The following SGO2 variants were observed in gnomAD, a reference collection of about 807,000 sequenced individuals.
SGO2 encodes the protein shugoshin 2.
Under a neutral mutation model 99.5 loss-of-function variants are expected in SGO2, and 68 were observed. The ratio of observed to expected loss-of-function variants is 0.68; its 90% CI spans 0.56 to 0.84. The LOEUF is 0.84. Among genes scored for constraint, SGO2 ranks in the 40% least tolerant of loss-of-function variants. SGO2 has a pLI of 0.00. For missense variants in SGO2, 1,350 were observed against 1,436.7 expected, an observed-to-expected ratio of 0.94 and a Z score of 0.97; for synonymous variants, 457 against 487.1, an observed-to-expected ratio of 0.94 and a Z score of 0.81.
chr2:200,555,940 C>G (rs1423021049), intron 5 of SGO2, among the ~76,000 whole-genome samples: 1 of 152,094 alleles, frequency 6.6e-6, no homozygotes, highest in Non-Finnish European at 1.5e-5. Flanking sequence ...GAGTCTCAGG[C>G]TGTTAGAGCT....
chr2:200,535,840 G>C (rs2031664720), intron 3 of SGO2, among the ~76,000 whole-genome samples: 1 of 151,922 alleles, frequency 6.6e-6, no homozygotes, highest in Admixed American at 6.6e-5. Flanking sequence ...GTGTGTGTGT[G>C]TATACATGTA....
intron 7 of SGO2, 59 bp from the exon 8 acceptor site, chr2:200,575,252 T>C (rs1175963373): frequency 9.3e-7 from 1 of 1,077,360 alleles, no homozygotes; most frequent in African/African-American, 1.6e-5. Context: ...ATAGCTCATA[T>C]CTATTTGTAT....
intron 5 of SGO2, among the ~76,000 whole-genome samples, chr2:200,548,288 G>T (rs905826798): frequency 1.3e-5 from 2 of 152,006 alleles, no homozygotes; most frequent in Admixed American, 1.3e-4. Context: ...CTTCACAATG[G>T]AAGAAAACTG....
intron 8 of SGO2, among the ~76,000 whole-genome samples, chr2:200,579,017 C>G (rs548265342): frequency 2.4e-4 from 37 of 152,196 alleles, no homozygotes; most frequent in Non-Finnish European, 5.0e-4. Flanking sequence ...CCTCCATCCA[C>G]TAGATGTCAG....
intron 4 of SGO2, among the ~76,000 whole-genome samples, chr2:200,540,434 G>A (rs13000072): frequency 0.22 from 33,320 of 152,132 alleles, 3,866 homozygotes; most frequent in Middle Eastern, 0.3. Context: ...AGCCTCTGTT[G>A]ACAACACTGT....
At chr2:200,532,187 G>A (rs1419224705) in intron 1 of SGO2, among the ~76,000 whole-genome samples, 2 of 151,716 alleles carry the variant, frequency 1.3e-5, no homozygotes, top group Non-Finnish European at 2.9e-5. Context: ...TTGACATAGT[G>A]AGCTGAGTCC....
At chr2:200,560,520 A>G (rs1312754145) in intron 5 of SGO2, among the ~76,000 whole-genome samples, 3 of 151,798 alleles carry the variant, frequency 2.0e-5, no homozygotes, top group African/African-American at 7.3e-5. Context: ...ATTTTTTTGC[A>G]TTTCTAGAGA....
intron 8 of SGO2, among the ~76,000 whole-genome samples, chr2:200,580,228 C>A (rs893596549): frequency 2.0e-5 from 3 of 152,084 alleles, no homozygotes; most frequent in Non-Finnish European, 4.4e-5. Context: ...TGCAAAGTAT[C>A]TTTTATGAAT....
Position 200,583,562 on chromosome 2 carries a change from T to G in SGO2, c.*98T>G, listed in dbSNP as rs2033905606. 3 of 1,135,134 alleles carry G rather than the reference T, an allele frequency of 2.6e-6. No individual in the cohort carries two copies. The highest frequency in any genetic ancestry group is 3.2e-5 in the African/African-American group (2 of 62,980). The allele number at this position is 1,135,134 out of a possible 1,614,324, so 70.3% of individuals were successfully genotyped here. ...AAGATGAAATGCTTAATGAAAAGGT[T>G]TTTTTTTTGTTTCTTTGGCCTTTCA... is the stretch of plus-strand genomic sequence containing the variant. On this transcript the variant is annotated 3_prime_UTR_variant, in exon 9 of 9. Coordinates refer to ENST00000357799, the MANE Select transcript of SGO2 (RefSeq NM_152524.6).
intron 7 of SGO2, among the ~76,000 whole-genome samples, chr2:200,574,461 T>A (rs545891496): frequency 6.6e-6 from 1 of 152,176 alleles, no homozygotes; most frequent in African/African-American, 2.4e-5. Context: ...TTTCCTCAGA[T>A]TCCATGTATG....
At chr2:200,566,419 C>T (rs544858736) in intron 5 of SGO2, among the ~76,000 whole-genome samples, 15 of 152,256 alleles carry the variant, frequency 9.9e-5, no homozygotes, top group African/African-American at 3.4e-4. Flanking sequence ...GCTGTCTGAT[C>T]GTTCCTCTGG....
chr2:200,582,369 C>T (rs149860614), intron 8 of SGO2, among the ~76,000 whole-genome samples: 49 of 152,084 alleles, frequency 3.2e-4, no homozygotes, highest in African/African-American at 1.1e-3. Flanking sequence ...TAGGGTTTAT[C>T]CAAAATAAAT....
chr2:200,532,278 T>TG (rs1392870006), intron 1 of SGO2: 29 of 391,802 alleles, frequency 7.4e-5, no homozygotes, highest in African/African-American at 5.4e-4. Flanking sequence ...TTTTGTTTTT[T>TG]TTTTTGTTTT....
rs942216451 is a variant in SGO2, at chr2:200,571,740, C to T, written c.1394C>T (p.Ala465Val). 14 of 1,613,516 alleles carry T rather than the reference C, an allele frequency of 8.7e-6. No homozygotes were observed. The highest frequency in any genetic ancestry group is 2.2e-5 in the East Asian group (1 of 44,890). ...EQLAQMNEQLAQVNELKKMTL... is the reference protein window; with the variant it reads ...EQLAQMNEQLVQVNELKKMTL... ...CTGGCTCAGATGAATGAACAGCTGG[C>T]TCAGGTGAATGAACTAAAGAAAATG... The change falls in exon 7 of 9, where the codon GCT becomes GTT. Residue 465 changes from alanine (A) to valine (V), a missense_variant. Transcript: ENST00000357799.
intron 8 of SGO2, among the ~76,000 whole-genome samples, chr2:200,576,348 G>A (rs1053703119): frequency 6.6e-6 from 1 of 151,976 alleles, no homozygotes; most frequent in Non-Finnish European, 1.5e-5. Context: ...GGCTGAGGCA[G>A]GTGGATTGCA....
chr2:200,541,260 A>G (rs901707466), intron 4 of SGO2, among the ~76,000 whole-genome samples: 1 of 152,230 alleles, frequency 6.6e-6, no homozygotes, highest in Non-Finnish European at 1.5e-5. Context: ...ATCCAGAGCC[A>G]TATCTCCCCT....
intron 8 of SGO2, among the ~76,000 whole-genome samples, chr2:200,578,964 G>A (rs1380013132): frequency 6.6e-6 from 1 of 152,080 alleles, no homozygotes; most frequent in Non-Finnish European, 1.5e-5. Context: ...TCTTTTATGG[G>A]AGGCTGTCCT....
intron 8 of SGO2, among the ~76,000 whole-genome samples, chr2:200,581,278 A>G: frequency 6.6e-6 from 1 of 152,246 alleles, no homozygotes; most frequent in South Asian, 2.1e-4. Context: ...TTTGTAAATA[A>G]GTGATCTGTT....
rs777410796 is a variant in SGO2, at chr2:200,572,421, A to C, written c.2075A>C (p.Gln692Pro). Residue 692 changes from glutamine (Q) to proline (P), a missense_variant, in exon 7 of 9, where the codon CAA (glutamine) becomes CCA (proline). Gln to Pro is a moderately conservative substitution (Grantham distance 76). Coordinates refer to ENST00000357799, the MANE Select transcript of SGO2 (RefSeq NM_152524.6). Reference protein sequence around the residue: ...DYRTQNVLGLQKQITNMYPVQ... With the variant: ...DYRTQNVLGLPKQITNMYPVQ... ...AGGACCCAGAATGTGTTGGGTTTGC[A>C]AAAGCAGATCACCAATATGTACCCC... 1.5e-5 allele frequency: 24 copies of C among 1,613,504 alleles called. No individual in the cohort carries two copies. Among genetic ancestry groups the C allele is most frequent in the Non-Finnish European group, 2.0e-5 (24 of 1,179,652 alleles).
Sources: gnomAD v4.1 joint callset for allele counts (sites outside exome capture counted in the v4.1 genomes callset) on GRCh38, gnomAD v4.1.1 for gene constraint, MANE v1.5 for transcripts, NCBI Gene and HGNC (gene_info 2026-07-23, HGNC 2026-07-21) for gene names.